Variants in GBP6 observed in about 807,000 individuals in gnomAD.
GBP6 encodes the protein guanylate-binding protein 6.
Under a neutral mutation model 61.5 loss-of-function variants are expected in GBP6, and 54 were observed. The ratio of observed to expected loss-of-function variants is 0.88; its 90% CI spans 0.71 to 1.10. The LOEUF (loss-of-function observed/expected upper bound fraction) is 1.10, where lower values mean the gene tolerates loss of function less well. Among genes scored for constraint, GBP6 ranks in the 50% least tolerant of loss-of-function variants. GBP6 has a pLI of 0.00. For synonymous variants in GBP6, 255 were observed against 273.7 expected (o/e 0.93, Z 0.67); for missense variants, 748 against 752.8 (o/e 0.99, Z 0.07).
At position 89,369,400 on chromosome 1, in the gene GBP6, C is replaced by A. The variant is rs111798938; in HGVS notation, c.191-146C>A. ...CCCTCGCTTTTTTATATAGATTATTCACAAAGTAAGCCATTCTTGAGGAAA... is the reference window on the plus strand; with the variant it reads ...CCCTCGCTTTTTTATATAGATTATTAACAAAGTAAGCCATTCTTGAGGAAA... On this transcript the variant is annotated intron_variant, in intron 2 of 10. Coordinates refer to ENST00000370456, the MANE Select transcript of GBP6 (RefSeq NM_198460.3). 1.2e-5 allele frequency: 11 copies of A among 955,622 alleles called. No homozygotes were observed. The African/African-American group carries it at 1.5e-4, about 13-fold the overall frequency. 59.2% of individuals were successfully genotyped at this position (955,622 alleles called of 1,614,324 possible). A position where few individuals can be genotyped will look rare whatever the true frequency, so the allele number is the denominator to read the frequency against.
At chr1:89,377,616 GTCA>G (rs1366895416) in intron 3 of GBP6, among the ~76,000 whole-genome samples, 3 of 152,154 alleles carry the variant, frequency 2.0e-5, no homozygotes, top group Non-Finnish European at 2.9e-5. Context: ...CTTTGAAATA[GTCA>G]TCATGACAGT....
intron 10 of GBP6, 109 bp downstream of exon 10, chr1:89,384,395 C>A: frequency 1.2e-6 from 1 of 831,330 alleles, no homozygotes; most frequent in Non-Finnish European, 1.8e-6. Context: ...TCACCATTTG[C>A]TGCTTGGCAA....
intron 3 of GBP6, among the ~76,000 whole-genome samples, chr1:89,374,330 C>T (rs1420791766): frequency 1.3e-5 from 2 of 152,162 alleles, no homozygotes; most frequent in Admixed American, 1.3e-4. Flanking sequence ...GTGAATAATG[C>T]TGCAATTATT....
Position 89,385,343 on chromosome 1 carries a change from G to C in GBP6, c.1776G>C (p.Trp592Cys). The C allele has an allele frequency of 6.2e-7, 1 of 1,614,116 alleles. No individual in the cohort carries two copies. Among genetic ancestry groups the C allele is most frequent in the Non-Finnish European group, 8.5e-7 (1 of 1,180,004 alleles). The change falls in exon 11 of 11, where the codon TGG becomes TGC. Residue 592 changes from tryptophan to cysteine, a missense_variant. Physicochemically the swap from Trp to Cys is radical, Grantham distance 215 (BLOSUM62 -2). Transcript: ENST00000370456. ...IDTTKNDDTP[W>C]IARTLDNLAD... ...CTACAAAAAATGATGATACTCCCTG[G>C]ATTGCACGAACCTTGGACAACCTTG...
intron 7 of GBP6, among the ~76,000 whole-genome samples, 174 bp from the exon 8 acceptor site, chr1:89,382,490 G>A (rs1202295166): frequency 6.6e-6 from 1 of 152,194 alleles, no homozygotes; most frequent in Non-Finnish European, 1.5e-5. Context: ...TAGCCTTGAA[G>A]AGAATTTCTA....
chr1:89,368,315 T>C (rs1652520750), intron 1 of GBP6, among the ~76,000 whole-genome samples: 1 of 152,242 alleles, frequency 6.6e-6, no homozygotes, highest in Non-Finnish European at 1.5e-5. Context: ...ATAGTACTAC[T>C]GAAGTAAAAC....
Position 89,380,455 on chromosome 1 carries a change from A to G in GBP6, c.695A>G (p.Lys232Arg), listed in dbSNP as rs1313872070. The change falls in exon 6 of 11, where the codon AAG (lysine) becomes AGG (arginine). Residue 232 changes from lysine to arginine, a missense_variant. Transcript: ENST00000370456. ...ATCAGGCGTTTCTTTCCAAAACGGAAGTGTTTCGTCTTTGACCGGCCAACA... is the reference window on the plus strand; with the variant it reads ...ATCAGGCGTTTCTTTCCAAAACGGAGGTGTTTCGTCTTTGACCGGCCAACA... ...ECIRRFFPKR[K>R]CFVFDRPTND... 2 of 1,614,100 alleles carry G rather than the reference A, an allele frequency of 1.2e-6. No individual in the cohort carries two copies. Among genetic ancestry groups the G allele is most frequent in the South Asian group, 2.2e-5 (2 of 91,080 alleles).
In GBP6 at chr1:89,369,667, G is replaced by T. The variant is rs985895671; in HGVS notation, c.312G>T (p.Val104=). The change falls in exon 3 of 11, where the codon GTG becomes GTT. Residue 104 remains valine (V), a synonymous_variant. Coordinates refer to ENST00000370456, the MANE Select transcript of GBP6 (RefSeq NM_198460.3). The part of the protein sequence containing the change: ...VLLDTEGLGD[V]EKGDPKNDSW... ...TGGACACCGAAGGTCTGGGCGATGT[G>T]GAAAAGGTAAGACAGAGAGTCATAG... is the stretch of plus-strand genomic sequence containing the variant. 1 of 1,613,526 alleles carries T rather than the reference G, an allele frequency of 6.2e-7. No homozygotes were observed. The highest frequency in any genetic ancestry group is 8.5e-7 in the Non-Finnish European group (1 of 1,179,762).
chr1:89,383,955 G>A (rs1653060514), intron 9 of GBP6, 138 bp from the exon 10 acceptor site: 10 of 910,790 alleles, frequency 1.1e-5, no homozygotes, highest in Non-Finnish European at 1.5e-5. Context: ...TCTCAAATGC[G>A]CTCTTAATGG....
chr1:89,380,676 A>C, intron 6 of GBP6, 45 bp downstream of exon 6: 2 of 1,573,088 alleles, frequency 1.3e-6, no homozygotes, highest in Non-Finnish European at 1.7e-6. Context: ...TGTGTGTTGA[A>C]TATATTGTAT....
intron 3 of GBP6, among the ~76,000 whole-genome samples, chr1:89,374,091 A>C (rs1297683313): frequency 1.3e-5 from 2 of 152,086 alleles, no homozygotes; most frequent in African/African-American, 2.4e-5. Context: ...CATGTGAAGA[A>C]GGATGTGTTT....
intron 7 of GBP6, 82 bp from the exon 8 acceptor site, chr1:89,382,582 G>C: frequency 8.8e-7 from 1 of 1,135,384 alleles, no homozygotes; most frequent in Non-Finnish European, 1.3e-6. Context: ...ACCACAGTTA[G>C]ATTGACTCTA....
intron 5 of GBP6, among the ~76,000 whole-genome samples, chr1:89,379,393 A>T (rs1259699195): frequency 1.3e-5 from 2 of 152,222 alleles, no homozygotes; most frequent in East Asian, 3.9e-4. Context: ...GGGGACACAC[A>T]TCCAAAATAC....
At position 89,372,954 on chromosome 1, in the gene GBP6, A is replaced by C. The variant is rs1052300600; in HGVS notation, c.318+3281A>C. Among the ~76,000 whole-genome samples, 175 of 152,326 alleles carry C rather than the reference A, an allele frequency of 1.1e-3. 1 individual carries two copies. Among genetic ancestry groups the C allele is most frequent in the South Asian group, 1.9e-3 (9 of 4,828 alleles). On this transcript the variant is annotated intron_variant, in intron 3 of 10. Transcript: ENST00000370456. ...AATATCCAGAATCTACAATGAACTCAAACAAATTTACAAGAAAAAAACAAA... is the reference window on the plus strand; with the variant it reads ...AATATCCAGAATCTACAATGAACTCCAACAAATTTACAAGAAAAAAACAAA...
chr1:89,376,844 G>T (rs995251509), intron 3 of GBP6, among the ~76,000 whole-genome samples: 36 of 151,994 alleles, frequency 2.4e-4, no homozygotes, highest in Admixed American at 1.6e-3. Flanking sequence ...CCACAAAAAA[G>T]AATAATAATA....
Position 89,369,606 on chromosome 1 carries a change from C to G in GBP6, c.251C>G (p.Pro84Arg), listed in dbSNP as rs773035311. Residue 84 changes from proline to arginine, a missense_variant, in exon 3 of 11, where the codon CCC (proline) becomes CGC (arginine). By Grantham distance (103) the Pro-to-Arg change is moderately radical. Transcript: ENST00000370456. Reference sequence around the variant, plus strand: ...AAGGGCATCTGGATGTGGTGCGTGCCCCACCCATCCAAGCCAAACCACACC... The same window carrying G: ...AAGGGCATCTGGATGTGGTGCGTGCGCCACCCATCCAAGCCAAACCACACC... ...ETKGIWMWCV[P>R]HPSKPNHTLV... 3.1e-6 allele frequency: 5 copies of G among 1,613,964 alleles called. No individual in the cohort carries two copies. In the Admixed American group the frequency reaches 8.3e-5, roughly 27 times the overall value.
chr1:89,379,210 C>A (rs1652891222), intron 5 of GBP6, among the ~76,000 whole-genome samples: 1 of 152,046 alleles, frequency 6.6e-6, no homozygotes, highest in Non-Finnish European at 1.5e-5. Context: ...AGAAAGGGAA[C>A]AACAGAGGGG....
In GBP6 at chr1:89,385,462, C is replaced by A; in HGVS notation, c.1895C>A (p.Pro632His). The A allele has an allele frequency of 6.2e-7, 1 of 1,613,720 alleles. No individual in the cohort carries two copies. The highest frequency in any genetic ancestry group is 8.5e-7 in the Non-Finnish European group (1 of 1,179,834). ...TCACTCTTTAAAAAGCATAAGCTCC[C>A]CTTTTAAGGATATTATAGATTGTAC... ...VSSLFKKHKL[P>H]F Residue 632 changes from proline to histidine, a missense_variant, in exon 11 of 11, where the codon CCC (proline) becomes CAC (histidine). Physicochemically the swap from Pro to His is moderately conservative, Grantham distance 77. Transcript: ENST00000370456.
rs928081907 is a variant in GBP6, at chr1:89,382,836, T to C, written c.1325T>C (p.Ile442Thr). Residue 442 changes from isoleucine (I) to threonine (T), a missense_variant, in exon 8 of 11, where the codon ATT becomes ACT. Transcript: ENST00000370456. ...HKLYMETKERIEQDYWQVPRK... is the reference protein window; with the variant it reads ...HKLYMETKERTEQDYWQVPRK... The stretch of plus-strand genomic sequence containing the variant: ...CTCTACATGGAAACAAAGGAAAGGA[T>C]TGAACAGGACTATTGGCAAGTTCCC... 1 of 1,614,056 alleles carries C rather than the reference T, an allele frequency of 6.2e-7. No homozygotes were observed.
Sources: allele counts gnomAD v4.1 joint callset (sites outside exome capture counted in the v4.1 genomes callset), GRCh38; gene constraint gnomAD v4.1.1; transcripts MANE v1.5; gene names NCBI Gene and HGNC (gene_info 2026-07-23, HGNC 2026-07-21).